CTSA: variants seen among roughly 807,000 people sequenced by gnomAD.
CTSA encodes cathepsin A, also known as lysosomal protective protein.
A neutral mutation model predicts 66.7 loss-of-function variants in CTSA; 42 were observed. The observed-to-expected ratio is 0.63, with a 90% confidence interval of 0.49 to 0.81. The LOEUF is 0.81. Ranked by LOEUF, CTSA falls within the 40% of genes least tolerant of loss-of-function variation. CTSA has a pLI of 0.00. For missense variants in CTSA, 525 were observed against 610.9 expected (o/e 0.86, Z 1.48); for synonymous variants, 225 against 248.6 (o/e 0.91, Z 0.89).
At position 45,891,728 on chromosome 20, in the gene CTSA, C is replaced by T. The variant is rs138615064; in HGVS notation, c.160C>T (p.Leu54Phe). ...QPSFRQYSGYLKGSGSKHLHY... is the reference protein window; with the variant it reads ...QPSFRQYSGYFKGSGSKHLHY... ...GTCTTTCCGCCAGTACTCCGGCTACCTCAAAGGCTCCGGCTCCAAGCACCT... is the reference window on the plus strand; with the variant it reads ...GTCTTTCCGCCAGTACTCCGGCTACTTCAAAGGCTCCGGCTCCAAGCACCT... The change falls in exon 2 of 15, where the codon CTC (leucine) becomes TTC (phenylalanine). Residue 54 changes from leucine to phenylalanine, a missense_variant. Leu to Phe is a conservative substitution (Grantham distance 22, BLOSUM62 0). Coordinates refer to ENST00000646241, the MANE Select transcript of CTSA (RefSeq NM_000308.4). The surrounding 1 kb of genome is among the most constrained non-coding windows in gnomAD (Gnocchi z 4.6). 50 of 1,613,686 alleles carry T rather than the reference C, an allele frequency of 3.1e-5. No homozygotes were observed. The African/African-American group carries it at 5.7e-4, about 18-fold the overall frequency.
rs112626976 is a variant in CTSA at position 45,896,117 on chromosome 20, C to G, written c.1089-848C>G. 9.6e-3 allele frequency among the ~76,000 whole-genome samples: 1,458 copies of G among 152,244 alleles called. 16 individuals are homozygous for G. Among genetic ancestry groups the G allele is most frequent in the East Asian group, 0.021 (110 of 5,160 alleles). On this transcript the variant is annotated intron_variant, in intron 11 of 14. Coordinates refer to ENST00000646241, the MANE Select transcript of CTSA (RefSeq NM_000308.4). Reference sequence around the variant, plus strand: ...GGCTGAGGGAGGAGAATCGCTTGAACCCAGGAGGCAGAGGTTGCAGTGAGC... The same window carrying G: ...GGCTGAGGGAGGAGAATCGCTTGAAGCCAGGAGGCAGAGGTTGCAGTGAGC...
chr20:45,893,175 C>T, intron 6 of CTSA, 45 bp from the exon 7 acceptor site: 1 of 1,522,564 alleles, frequency 6.6e-7, no homozygotes, highest in Non-Finnish European at 9.1e-7. Flanking sequence ...GGAGGCTCTT[C>T]CTTTTTGCCC....
chr20:45,898,806 G>T lies in CTSA; in HGVS notation c.*356G>T. ...GATAGATTGATTATGGAATTAAATT[G>T]GGTACAGCTTCAAATCCCGTCTTCT... On this transcript the variant is annotated 3_prime_UTR_variant, in exon 15 of 15. Transcript: ENST00000646241. This position sits in a 1 kb window ranked among gnomAD's most constrained non-coding sequence, Gnocchi z 4.6. 1 of 995,828 alleles carries T rather than the reference G, an allele frequency of 1.0e-6. No individual in the cohort carries two copies. The highest frequency in any genetic ancestry group is 1.5e-6 in the Non-Finnish European group (1 of 681,086). The allele number at this position is 995,828 out of a possible 1,614,324, so 61.7% of individuals were successfully genotyped here.
intron 3 of CTSA, 100 bp downstream of exon 3, chr20:45,892,127 A>G (rs1986990087): frequency 6.9e-7 from 1 of 1,449,158 alleles, no homozygotes. Context: ...CTTCCTTCTA[A>G]GCCTCGGGAT....
chr20:45,896,244 A>ACCCGCCCCCCCC (rs1555833324), intron 11 of CTSA: 1 of 136,402 alleles, frequency 7.3e-6, no homozygotes, highest in African/African-American at 2.8e-5. Flanking sequence ...TCCTGTGGCC[A>ACCCGCCCCCCCC]CCCCCCCCCA....
chr20:45,893,960 A>G, intron 7 of CTSA, 28 bp from the exon 8 acceptor site: 1 of 1,456,436 alleles, frequency 6.9e-7, no homozygotes, highest in Non-Finnish European at 9.6e-7. Context: ...CCAGCAGCTG[A>G]TGCGCTTTTC....
intron 6 of CTSA, 106 bp from the exon 7 acceptor site, chr20:45,893,114 C>T: frequency 3.6e-6 from 4 of 1,100,186 alleles, no homozygotes; most frequent in Non-Finnish European, 5.5e-6. Flanking sequence ...CTACATAAAC[C>T]ACCCTGGGTT....
At position 45,893,288 on chromosome 20, in the gene CTSA, C is replaced by T. The variant is rs773120459; in HGVS notation, c.669C>T (p.Tyr223=). Residue 223 remains tyrosine, a synonymous_variant, in exon 7 of 15, where the codon TAC becomes TAT. Transcript: ENST00000646241. ...ACAACTCCCTGGTCTACTTTGCCTA[C>T]TACCATGGCCTTCTGGGGAACAGGT... ...QNDNSLVYFA[Y]YHGLLGNRLW... is the part of the protein sequence containing the mutation. 23 of 1,613,782 alleles carry T rather than the reference C, an allele frequency of 1.4e-5. No homozygotes were observed. Among genetic ancestry groups the T allele is most frequent in the Non-Finnish European group, 1.9e-5 (23 of 1,179,834 alleles).
At position 45,891,952 on chromosome 20, in the gene CTSA, T is replaced by G; in HGVS notation, c.231T>G (p.Pro77=). The change falls in exon 3 of 15, where the codon CCT becomes CCG. Residue 77 remains proline (P), a synonymous_variant. Coordinates refer to ENST00000646241, the MANE Select transcript of CTSA (RefSeq NM_000308.4). This position sits in a 1 kb window ranked among gnomAD's most constrained non-coding sequence, Gnocchi z 4.6. ...VESQKDPENS[P]VVLWLNGGPG... Reference sequence around the variant, plus strand: ...CCCAGAAGGATCCCGAGAACAGCCCTGTGGTGCTTTGGCTCAATGGGGGTC... The same window carrying G: ...CCCAGAAGGATCCCGAGAACAGCCCGGTGGTGCTTTGGCTCAATGGGGGTC... 1.2e-6 allele frequency: 2 copies of G among 1,614,122 alleles called. No homozygotes were observed. The highest frequency in any genetic ancestry group is 3.3e-4 in the Middle Eastern group (2 of 6,060).
At chr20:45,894,961 C>G in intron 10 of CTSA, 33 bp from the exon 11 acceptor site, 3 of 1,614,122 alleles carry the variant, frequency 1.9e-6, no homozygotes, top group Non-Finnish European at 1.7e-6. Context: ...GGCAGGGAAG[C>G]AGAGGCCCTG....
intron 8 of CTSA, chr20:45,894,277 G>A: frequency 3.1e-6 from 2 of 647,808 alleles, no homozygotes; most frequent in Non-Finnish European, 5.6e-6. Context: ...CCTCCGTGAG[G>A]AGAAAGGACT....
chr20:45,891,607 G>A lies in CTSA; in HGVS notation c.39G>A (p.Leu13=), dbSNP rs1986928065. 7 of 1,577,100 alleles carry A rather than the reference G, an allele frequency of 4.4e-6. No individual in the cohort carries two copies. Among genetic ancestry groups the A allele is most frequent in the Non-Finnish European group, 6.1e-6 (7 of 1,153,496 alleles). ...CGCCGCCGCCGCTGTTCCTGCTGCT[G>A]CTGCTGCTGCTGCTGCTAGTGTCCT... ...RAAPPPLFLL[L]LLLLLLVSWA... The change falls in exon 2 of 15, where the codon CTG becomes CTA. Residue 13 remains leucine (L), a synonymous_variant. Transcript: ENST00000646241. The surrounding 1 kb of genome is among the most constrained non-coding windows in gnomAD (Gnocchi z 4.6).
rs550146922 is a variant in CTSA at position 45,893,490 on chromosome 20, T to C, written c.692+179T>C. 1.8e-5 allele frequency: 10 copies of C among 562,784 alleles called. No individual in the cohort carries two copies. The East Asian group carries it at 2.4e-4, about 13-fold the overall frequency. The allele number at this position is 562,784 out of a possible 1,614,324, so 34.9% of individuals were successfully genotyped here. On this transcript the variant is annotated intron_variant, in intron 7 of 14. Transcript: ENST00000646241. ...GAGATCAGTTTTTCTTTCTTTCTTT[T>C]TTTTTTTTTTGAGACAGATTCTTAC... is the stretch of plus-strand genomic sequence containing the variant.
Position 45,892,838 on chromosome 20 carries a change from C to A in CTSA, c.558C>A (p.Thr186=), listed in dbSNP as rs780223147. The A allele has an allele frequency of 6.2e-7, 1 of 1,614,138 alleles. No homozygotes were observed. The highest frequency in any genetic ancestry group is 1.1e-5 in the South Asian group (1 of 91,082). The stretch of plus-strand genomic sequence containing the variant: ...GCTATGCTGGCATCTACATCCCCAC[C>A]CTGGCCGTGCTGGTCATGCAGGATC... ...GESYAGIYIP[T]LAVLVMQDPS... The change falls in exon 6 of 15, where the codon ACC becomes ACA. Residue 186 remains threonine, a synonymous_variant. Transcript: ENST00000646241.
In CTSA at chr20:45,893,215, C is replaced by G. The variant is rs748681475; in HGVS notation, c.601-5C>G. 80 of 1,613,508 alleles carry G rather than the reference C, an allele frequency of 5.0e-5. No homozygotes were observed. The highest frequency in any genetic ancestry group is 6.0e-5 in the Non-Finnish European group (71 of 1,179,522). ...CATGAGCTGAGCACCCTGGGTGTTT[C>G]ACAGGGGCTGGCTGTGGGCAATGGA... On this transcript the variant is annotated splice_polypyrimidine_tract_variant and splice_region_variant and intron_variant, in intron 6 of 14. Coordinates refer to ENST00000646241, the MANE Select transcript of CTSA (RefSeq NM_000308.4).
At chr20:45,893,474 TTTTC>T (rs771760084) in intron 7 of CTSA, 163 bp downstream of exon 7, 162 of 605,730 alleles carry the variant, frequency 2.7e-4, no homozygotes, top group Non-Finnish European at 3.3e-4. Context: ...AGAGATCAGT[TTTTC>T]TTTCTTTCTT....
At position 45,898,157 on chromosome 20, in the gene CTSA, C is replaced by G. The variant is rs1211025000; in HGVS notation, c.1359+48C>G. 2 of 1,570,564 alleles carry G rather than the reference C, an allele frequency of 1.3e-6. No individual in the cohort carries two copies. Among genetic ancestry groups the G allele is most frequent in the South Asian group, 2.2e-5 (2 of 90,032 alleles). ...GATAACTGGGCCGGAGGCAAAGGAG[C>G]AGGACCCACCCGTCCTTTCCCTCTG... On this transcript the variant is annotated intron_variant, in intron 14 of 14. Coordinates refer to ENST00000646241, the MANE Select transcript of CTSA (RefSeq NM_000308.4). This position sits in a 1 kb window ranked among gnomAD's most constrained non-coding sequence, Gnocchi z 4.6.
At chr20:45,894,445 T>C (rs932345217) in intron 8 of CTSA, 1 of 639,502 alleles carries the variant, frequency 1.6e-6, no homozygotes, top group African/African-American at 1.8e-5. Context: ...AATCACTGTC[T>C]GAAGTCACAG....
At chr20:45,893,020 T>C in intron 6 of CTSA, 140 bp downstream of exon 6, 1 of 1,054,560 alleles carries the variant, frequency 9.5e-7, no homozygotes, top group Non-Finnish European at 1.4e-6. Context: ...CCTAGGTCTG[T>C]CTGTGTGCCT....
Sources: gnomAD v4.1 joint callset for allele counts (sites outside exome capture counted in the v4.1 genomes callset) on GRCh38, gnomAD v4.1.1 for gene constraint, Gnocchi (gnomAD v3.1) non-coding constraint, MANE v1.5 for transcripts, NCBI Gene and HGNC (gene_info 2026-07-23, HGNC 2026-07-21) for gene names.